Variants in SLC17A9 observed in about 807,000 individuals in gnomAD.
SLC17A9 encodes the protein voltage-gated purine nucleotide uniporter SLC17A9.
Under a neutral mutation model 55.0 loss-of-function variants are expected in SLC17A9, and 49 were observed. The observed-to-expected ratio is 0.89, with a 90% CI of 0.71 to 1.13. SLC17A9 has a LOEUF of 1.13. Among genes scored for constraint, SLC17A9 ranks in the 50% most tolerant of loss-of-function variants. SLC17A9 has a pLI of 0.00. For synonymous variants in SLC17A9, 256 were observed against 247.4 expected (o/e 1.03, Z -0.32); for missense variants, 526 against 569.3 (o/e 0.92, Z 0.77).
chr20:62,963,413 G>A (rs1457864018), intron 6 of SLC17A9, 44 bp downstream of exon 6: 34 of 1,590,104 alleles, frequency 2.1e-5, no homozygotes, highest in Middle Eastern at 3.3e-4. Context: ...CGGCAGGGCC[G>A]GTGACCATGG....
At chr20:62,966,967 C>T in intron 12 of SLC17A9, 3 of 595,902 alleles carry the variant, frequency 5.0e-6, no homozygotes, top group Non-Finnish European at 8.7e-6. Context: ...CAGATATGTT[C>T]CCATCCTGGT....
chr20:62,965,507 G>A (rs938520958), intron 9 of SLC17A9, 103 bp from the exon 10 acceptor site: 73 of 1,104,564 alleles, frequency 6.6e-5, no homozygotes, highest in Non-Finnish European at 8.2e-5. Flanking sequence ...CAACCTGACC[G>A]TTGTGCGGTG....
chr20:62,956,978 C>T lies in SLC17A9; in HGVS notation c.257+16C>T, dbSNP rs1307004924. On this transcript the variant is annotated intron_variant, in intron 2 of 12. Transcript: ENST00000370351. ...TCGGGGATCGGTAACTGCCCATCTT[C>T]CCCATCTCCTGGCTGGTGGGGGCCG... is the stretch of plus-strand genomic sequence containing the variant. 4.3e-6 allele frequency: 7 copies of T among 1,613,118 alleles called. No individual in the cohort carries two copies. Among genetic ancestry groups the T allele is most frequent in the Non-Finnish European group, 5.9e-6 (7 of 1,179,954 alleles).
chr20:62,965,029 T>A, intron 8 of SLC17A9, 103 bp from the exon 9 acceptor site: 5 of 1,368,402 alleles, frequency 3.7e-6, no homozygotes, highest in Non-Finnish European at 5.2e-6. Context: ...CCCAAGCCTC[T>A]TCCTCCCCTG....
At chr20:62,960,436 C>G in intron 3 of SLC17A9, 68 bp from the exon 4 acceptor site, 1 of 1,461,340 alleles carries the variant, frequency 6.8e-7, no homozygotes, top group South Asian at 1.2e-5. Flanking sequence ...CAGCCCAAAC[C>G]TGAGCAGATA....
Position 62,956,072 on chromosome 20 carries a change from G to A in SLC17A9, c.60-693G>A, listed in dbSNP as rs530949610. On this transcript the variant is annotated intron_variant, in intron 1 of 12. Coordinates refer to ENST00000370351, the MANE Select transcript of SLC17A9 (RefSeq NM_022082.4). ...GGCAGAGCAGGAGGTGTCAGAGGACGCAGCTCTGGGCTGCTGGAGTGACCT... is the reference window on the plus strand; with the variant it reads ...GGCAGAGCAGGAGGTGTCAGAGGACACAGCTCTGGGCTGCTGGAGTGACCT... Among the ~76,000 whole-genome samples the A allele has an allele frequency of 2.6e-5, 4 of 152,344 alleles. No homozygotes were observed. In the South Asian group the frequency reaches 6.2e-4, roughly 24 times the overall value.
At chr20:62,964,808 C>A (rs1442531202) in intron 8 of SLC17A9, among the ~76,000 whole-genome samples, 2 of 152,250 alleles carry the variant, frequency 1.3e-5, no homozygotes, top group East Asian at 1.9e-4. Flanking sequence ...AATACACACT[C>A]GTTGTGGAAA....
chr20:62,961,794 G>A (rs1183730417), intron 4 of SLC17A9, among the ~76,000 whole-genome samples: 1 of 152,210 alleles, frequency 6.6e-6, no homozygotes, highest in Non-Finnish European at 1.5e-5. Context: ...AGTGTCTTGC[G>A]GTTTTTCTGC....
Position 62,958,638 on chromosome 20 carries a change from G to T in SLC17A9, c.397+1058G>T, listed in dbSNP as rs1407543149. On this transcript the variant is annotated intron_variant, in intron 3 of 12. Coordinates refer to ENST00000370351, the MANE Select transcript of SLC17A9 (RefSeq NM_022082.4). This position sits in a 1 kb window ranked among gnomAD's most constrained non-coding sequence, Gnocchi z 4.1. The stretch of plus-strand genomic sequence containing the variant: ...CCCCTACCTTCCTGAGCCGGCATCA[G>T]GTTCAGAGCGCTGGCCATGGCTCCC... 6.6e-6 allele frequency among the ~76,000 whole-genome samples: 1 copy of T among 152,080 alleles called. No individual in the cohort carries two copies. The highest frequency in any genetic ancestry group is 1.9e-4 in the East Asian group (1 of 5,190).
At position 62,954,012 on chromosome 20, in the gene SLC17A9, G is replaced by A. The variant is rs541117352; in HGVS notation, c.59+1123G>A. On this transcript the variant is annotated intron_variant, in intron 1 of 12. Coordinates refer to ENST00000370351, the MANE Select transcript of SLC17A9 (RefSeq NM_022082.4). ...TTCAGGGCCTCCTCACTGGCGGCTG[G>A]TTTGAGTGGCTCCGCCTTCACTACG... Among the ~76,000 whole-genome samples the A allele has an allele frequency of 2.6e-5, 4 of 152,374 alleles. No individual in the cohort carries two copies. In the South Asian group the frequency reaches 8.3e-4, roughly 32 times the overall value.
chr20:62,961,418 A>G (rs1388369452), intron 4 of SLC17A9, among the ~76,000 whole-genome samples: 1 of 152,144 alleles, frequency 6.6e-6, no homozygotes, highest in Non-Finnish European at 1.5e-5. Context: ...CGTGCCCCTC[A>G]GTCCTCCCTC....
At chr20:62,967,100 GGGACTTGTTA>G (rs1165740828) in intron 12 of SLC17A9, 4 of 591,852 alleles carry the variant, frequency 6.8e-6, no homozygotes, top group Non-Finnish European at 1.2e-5. Flanking sequence ...CGGGACAAAG[GGGACTTGTTA>G]CCAGGCCATT....
At chr20:62,959,746 C>T (rs1286485960) in intron 3 of SLC17A9, among the ~76,000 whole-genome samples, 2 of 152,242 alleles carry the variant, frequency 1.3e-5, no homozygotes, top group Admixed American at 6.5e-5. Context: ...TGTGTGTGGC[C>T]GTCTGTTTGA....
chr20:62,965,525 G>C (rs546733530), intron 9 of SLC17A9, 85 bp from the exon 10 acceptor site: 9 of 1,296,900 alleles, frequency 6.9e-6, no homozygotes, highest in Admixed American at 3.6e-5. Flanking sequence ...GTGCGCCCAG[G>C]GGGGCTTTCG....
chr20:62,957,247 A>C, intron 2 of SLC17A9, 194 bp from the exon 3 acceptor site: 21 of 985,368 alleles, frequency 2.1e-5, no homozygotes, highest in Non-Finnish European at 2.4e-5. Flanking sequence ...AGGGCCCTGC[A>C]GGCAGAGGAG....
intron 7 of SLC17A9, 54 bp from the exon 8 acceptor site, chr20:62,964,174 C>T (rs1176187701): frequency 1.3e-6 from 2 of 1,579,278 alleles, no homozygotes; most frequent in African/African-American, 1.3e-5. Context: ...TATCCTCTTC[C>T]AGATGGCCAG....
chr20:62,965,758 C>T (rs574858588), intron 10 of SLC17A9, 33 bp downstream of exon 10: 14 of 1,603,146 alleles, frequency 8.7e-6, no homozygotes, highest in East Asian at 6.7e-5. Context: ...ACCAGAGCGC[C>T]GTGCTGCCCG....
At chr20:62,965,487 T>TG in intron 9 of SLC17A9, 123 bp from the exon 10 acceptor site, 1 of 903,008 alleles carries the variant, frequency 1.1e-6, no homozygotes, top group South Asian at 1.5e-5. Flanking sequence ...GAGAAGTTTG[T>TG]GGTCGCAGCC....
chr20:62,963,505 G>A (rs1234588086), intron 6 of SLC17A9, 79 bp from the exon 7 acceptor site: 1 of 1,522,186 alleles, frequency 6.6e-7, no homozygotes, highest in South Asian at 1.2e-5. Context: ...GCCCCCAGGG[G>A]ACGCCTCTCG....
Sources: gnomAD v4.1 joint callset for allele counts (sites outside exome capture counted in the v4.1 genomes callset) on GRCh38, gnomAD v4.1.1 for gene constraint, Gnocchi (gnomAD v3.1) non-coding constraint, MANE v1.5 for transcripts, NCBI Gene and HGNC (gene_info 2026-07-23, HGNC 2026-07-21) for gene names.